The following NRCAM variants were observed in gnomAD, a reference collection of about 807,000 sequenced individuals.
NRCAM encodes NgCAM-related cell adhesion molecule.
Under a neutral mutation model 156.5 loss-of-function variants are expected in NRCAM, and 83 were observed. The observed-to-expected ratio is 0.53, with a 90% confidence interval of 0.44 to 0.64. The LOEUF is 0.64. Ranked by LOEUF, NRCAM falls within the 30% of genes least tolerant of loss-of-function variation. The probability of loss-of-function intolerance (pLI) is 0.00; values close to 1 mark genes in which losing one functional copy is unlikely to be tolerated. For missense variants in NRCAM, 1,417 were observed against 1,597.3 expected, an observed-to-expected ratio of 0.89 and a Z score of 1.92; for synonymous variants, 538 against 563.9, an observed-to-expected ratio of 0.95 and a Z score of 0.65.
At chr7:108,433,327 C>A (rs1002775037) in intron 1 of NRCAM, among the ~76,000 whole-genome samples, 3 of 152,140 alleles carry the variant, frequency 2.0e-5, no homozygotes, top group Admixed American at 6.5e-5. Flanking sequence ...CCATTCAGGT[C>A]TTGGATATAG....
chr7:108,436,916 T>TATA (rs1277283662), intron 1 of NRCAM, among the ~76,000 whole-genome samples: 2 of 152,166 alleles, frequency 1.3e-5, no homozygotes, highest in Non-Finnish European at 2.9e-5. Flanking sequence ...CACTGCTGGG[T>TATA]ATATACCCAA....
chr7:108,455,387 G>T (rs1855779105), intron 1 of NRCAM, among the ~76,000 whole-genome samples: 2 of 152,158 alleles, frequency 1.3e-5, no homozygotes, highest in South Asian at 2.1e-4. Context: ...GCTCAACACA[G>T]CATCCCGGGC....
At chr7:108,406,809 T>A (rs1181433710) in intron 1 of NRCAM, among the ~76,000 whole-genome samples, 1 of 152,230 alleles carries the variant, frequency 6.6e-6, no homozygotes, top group East Asian at 1.9e-4. Context: ...TTATTTTGCT[T>A]AGCTCCAGTC....
At chr7:108,187,134 C>T (rs748434124) in intron 20 of NRCAM, among the ~76,000 whole-genome samples, 1 of 152,128 alleles carries the variant, frequency 6.6e-6, no homozygotes, top group Non-Finnish European at 1.5e-5. Context: ...GTCTGCTTCC[C>T]CTCTTGTTCT....
At chr7:108,436,975 T>C (rs948930585) in intron 1 of NRCAM, among the ~76,000 whole-genome samples, 5 of 152,324 alleles carry the variant, frequency 3.3e-5, no homozygotes, top group African/African-American at 9.6e-5. Context: ...CCCATGTTTA[T>C]TGCAGCACTG....
intron 2 of NRCAM, among the ~76,000 whole-genome samples, chr7:108,338,859 G>A (rs578090136): frequency 3.9e-5 from 6 of 152,248 alleles, no homozygotes; most frequent in African/African-American, 1.2e-4. Flanking sequence ...CACTGAGACC[G>A]CTGACAACCC....
intron 3 of NRCAM, among the ~76,000 whole-genome samples, chr7:108,250,359 A>T (rs111886592): frequency 0.05 from 7,448 of 150,290 alleles, 242 homozygotes; most frequent in South Asian, 0.11. Context: ...CTGGGAGGCA[A>T]AGGTTGCAGT....
At chr7:108,356,784 C>T (rs746381781) in intron 2 of NRCAM, among the ~76,000 whole-genome samples, 5 of 152,104 alleles carry the variant, frequency 3.3e-5, no homozygotes, top group Admixed American at 2.0e-4. Flanking sequence ...TCCTACAGAG[C>T]CCTCTGCTAT....
At chr7:108,211,185 G>C (rs2084097930) in intron 11 of NRCAM, among the ~76,000 whole-genome samples, 1 of 152,186 alleles carries the variant, frequency 6.6e-6, no homozygotes, top group Non-Finnish European at 1.5e-5. Flanking sequence ...AGTCAATTTA[G>C]AGAGCTGAGT....
At chr7:108,316,797 A>G (rs1593072082) in intron 2 of NRCAM, among the ~76,000 whole-genome samples, 1 of 152,014 alleles carries the variant, frequency 6.6e-6, no homozygotes, top group East Asian at 1.9e-4. Flanking sequence ...TCAAAAAAAA[A>G]AAAAAAGAAA....
chr7:108,452,189 T>C (rs1851145059), intron 1 of NRCAM, among the ~76,000 whole-genome samples: 1 of 152,150 alleles, frequency 6.6e-6, no homozygotes, highest in African/African-American at 2.4e-5. Flanking sequence ...GTCAAACTCA[T>C]AGAAGCAGAG....
chr7:108,342,961 A>G (rs1286945947), intron 2 of NRCAM, among the ~76,000 whole-genome samples: 2 of 152,216 alleles, frequency 1.3e-5, no homozygotes, highest in Non-Finnish European at 2.9e-5. Flanking sequence ...TAACCCAGCC[A>G]CATTTCTTCC....
At chr7:108,266,956 A>C (rs2097130911) in intron 3 of NRCAM, among the ~76,000 whole-genome samples, 1 of 152,242 alleles carries the variant, frequency 6.6e-6, no homozygotes. Context: ...ACAAAAAACT[A>C]CTGGGTCAAA....
At chr7:108,331,407 TAA>T (rs556575286) in intron 2 of NRCAM, among the ~76,000 whole-genome samples, 1 of 146,942 alleles carries the variant, frequency 6.8e-6, no homozygotes, top group Non-Finnish European at 1.5e-5. Flanking sequence ...TCTCTAAACT[TAA>T]AAAAAAAAAT....
At position 108,451,740 on chromosome 7, in the gene NRCAM, G is replaced by A. The variant is rs112565076; in HGVS notation, c.-332+4503C>T. ...TGATTCCACTCATATGAGGTACTTA[G>A]GGTCATCAGATTCATAGACTGGAAG... On this transcript the variant is annotated intron_variant, in intron 1 of 32. Transcript: ENST00000379028. Among the ~76,000 whole-genome samples the A allele has an allele frequency of 8.3e-3, 1,262 of 152,282 alleles. 10 individuals carry two copies. The highest frequency in any genetic ancestry group is 0.029 in the African/African-American group (1,188 of 41,538).
At chr7:108,417,750 C>T (rs1803491147) in intron 1 of NRCAM, among the ~76,000 whole-genome samples, 1 of 152,066 alleles carries the variant, frequency 6.6e-6, no homozygotes, top group African/African-American at 2.4e-5. Context: ...TCTTCTCTTT[C>T]TTTCTTTTTC....
intron 3 of NRCAM, among the ~76,000 whole-genome samples, chr7:108,269,297 T>C (rs139327704): frequency 6.2e-4 from 95 of 152,352 alleles, no homozygotes; most frequent in African/African-American, 2.2e-3. Context: ...CAACAGGACT[T>C]GGCAAGGAGT....
intron 2 of NRCAM, among the ~76,000 whole-genome samples, chr7:108,363,230 A>C (rs963182957): frequency 2.0e-5 from 3 of 152,214 alleles, no homozygotes; most frequent in Admixed American, 2.0e-4. Context: ...AATTTCAAAT[A>C]ATTTATGCAG....
chr7:108,150,240 T>C, intron 32 of NRCAM, 93 bp from the exon 33 acceptor site: 1 of 1,055,722 alleles, frequency 9.5e-7, no homozygotes, highest in Non-Finnish European at 1.4e-6. Context: ...GAGAAAGCAT[T>C]TGGAGTCCTG....
Sources: gnomAD v4.1 joint callset for allele counts (sites outside exome capture counted in the v4.1 genomes callset) on GRCh38, gnomAD v4.1.1 for gene constraint, MANE v1.5 for transcripts, NCBI Gene and HGNC (gene_info 2026-07-23, HGNC 2026-07-21) for gene names.